AP1G1: variants seen among roughly 807,000 people sequenced by gnomAD.
AP1G1 encodes the protein AP-1 complex subunit gamma-1.
AP1G1 carries 7 observed loss-of-function variants against 108.3 expected under a neutral mutation model. That is an observed-to-expected ratio of 0.06 (90% CI 0.04 to 0.12). The LOEUF (loss-of-function observed/expected upper bound fraction) is 0.12. Ranked by LOEUF, AP1G1 falls within the 10% of genes least tolerant of loss-of-function variation. The probability of loss-of-function intolerance (pLI) is 1.00; values close to 1 mark genes in which losing one functional copy is unlikely to be tolerated. For missense variants in AP1G1, 756 were observed against 1,010.7 expected (o/e 0.75, Z 3.42); for synonymous variants, 379 against 353.5 (o/e 1.07, Z -0.81).
chr16:71,756,660 G>A (rs997827335), intron 11 of AP1G1, among the ~76,000 whole-genome samples: 2 of 152,172 alleles, frequency 1.3e-5, no homozygotes, highest in African/African-American at 4.8e-5. Context: ...ACAAATTCAA[G>A]GCCGAGCGTG....
intron 1 of AP1G1, among the ~76,000 whole-genome samples, chr16:71,803,882 C>T (rs942142008): frequency 5.4e-5 from 8 of 147,792 alleles, no homozygotes; most frequent in Admixed American, 4.8e-4. Context: ...AGAGATGGCT[C>T]CGATGCACTC....
At chr16:71,760,460 G>A (rs942263168) in intron 10 of AP1G1, among the ~76,000 whole-genome samples, 6 of 151,122 alleles carry the variant, frequency 4.0e-5, no homozygotes, top group African/African-American at 1.2e-4. Flanking sequence ...CAAGAGAATC[G>A]CTTGAACTCG....
At chr16:71,768,500 C>CAAAAAA (rs527404594) in intron 6 of AP1G1, among the ~76,000 whole-genome samples, 3 of 83,734 alleles carry the variant, frequency 3.6e-5, no homozygotes, top group Non-Finnish European at 6.4e-5. Context: ...GACTCCGCCA[C>CAAAAAA]AAAAAAAAAA....
intron 6 of AP1G1, chr16:71,768,014 G>C (rs2031385490): frequency 9.7e-7 from 1 of 1,033,658 alleles, no homozygotes; most frequent in African/African-American, 1.6e-5. Flanking sequence ...GGGAAAAAAA[G>C]CCAAAAAAGA....
chr16:71,783,113 G>A (rs1472384273), intron 2 of AP1G1, among the ~76,000 whole-genome samples: 1 of 152,082 alleles, frequency 6.6e-6, no homozygotes, highest in Non-Finnish European at 1.5e-5. Context: ...ATGTGAGAAA[G>A]CGTGTCTACT....
chr16:71,732,937 G>T lies in AP1G1; in HGVS notation c.*121C>A. The T allele has an allele frequency of 1.4e-6, 1 of 712,394 alleles. No individual in the cohort carries two copies. The allele number at this position is 712,394 out of a possible 1,614,324, so 44.1% of individuals were successfully genotyped here. A position where few individuals can be genotyped will look rare whatever the true frequency, so the allele number is the denominator to read the frequency against. On this transcript the variant is annotated 3_prime_UTR_variant, in exon 23 of 23. Coordinates refer to ENST00000299980, the MANE Select transcript of AP1G1 (RefSeq NM_001128.6). ...AGTAACTTTAGGAAAATCCTCCTCAGCAGTTCTCTTCAGCTCCTCATGCCC... is the reference window on the plus strand; with the variant it reads ...AGTAACTTTAGGAAAATCCTCCTCATCAGTTCTCTTCAGCTCCTCATGCCC...
intron 1 of AP1G1, among the ~76,000 whole-genome samples, chr16:71,807,238 C>A (rs927313978): frequency 1.3e-5 from 2 of 152,166 alleles, no homozygotes; most frequent in Non-Finnish European, 2.9e-5. Context: ...TCTGCCTGGG[C>A]AACATGATGA....
At chr16:71,767,452 C>T (rs940875384) in intron 6 of AP1G1, among the ~76,000 whole-genome samples, 19 of 152,256 alleles carry the variant, frequency 1.2e-4, no homozygotes, top group Admixed American at 1.2e-3. Context: ...GAACTGAAAG[C>T]TCAGCAGTAC....
chr16:71,771,914 A>G (rs988792044), intron 4 of AP1G1, among the ~76,000 whole-genome samples: 1 of 152,170 alleles, frequency 6.6e-6, no homozygotes. Flanking sequence ...ATCATTTGAA[A>G]AATACTTAGT....
At chr16:71,789,803 A>ACT (rs1335367891) in intron 1 of AP1G1, among the ~76,000 whole-genome samples, 2 of 152,242 alleles carry the variant, frequency 1.3e-5, no homozygotes, top group East Asian at 1.9e-4. Context: ...TCAAATCTTT[A>ACT]CTCAATCCTT....
At chr16:71,790,480 T>C (rs564649878) in intron 1 of AP1G1, among the ~76,000 whole-genome samples, 29 of 151,112 alleles carry the variant, frequency 1.9e-4, no homozygotes, top group Admixed American at 1.7e-3. Flanking sequence ...TGAGCCAAGA[T>C]TGCACCATTG....
chr16:71,733,758 C>A (rs4788551), intron 22 of AP1G1, among the ~76,000 whole-genome samples: 2 of 151,894 alleles, frequency 1.3e-5, no homozygotes, highest in Non-Finnish European at 2.9e-5. Flanking sequence ...ACTCATCGTA[C>A]GCTCTCCATT....
intron 15 of AP1G1, among the ~76,000 whole-genome samples, 183 bp from the exon 16 acceptor site, chr16:71,748,561 GT>G (rs963471208): frequency 1.3e-5 from 2 of 151,956 alleles, no homozygotes; most frequent in Non-Finnish European, 2.9e-5. Context: ...GTAGTTGGGG[GT>G]AAAAAAAAGT....
chr16:71,784,545 A>AG (rs1397894147), intron 2 of AP1G1, among the ~76,000 whole-genome samples: 1 of 152,134 alleles, frequency 6.6e-6, no homozygotes, highest in African/African-American at 2.4e-5. Context: ...ACAGCAAGGC[A>AG]GGGCTAAGAT....
chr16:71,777,720 C>A (rs2031844836), intron 2 of AP1G1: 2 of 445,114 alleles, frequency 4.5e-6, no homozygotes, highest in Non-Finnish European at 4.7e-6. Context: ...GGCCCGTTCT[C>A]CTCCTCCTCC....
chr16:71,738,921 CT>C lies in AP1G1; in HGVS notation c.2268+20del. The C allele has an allele frequency of 6.3e-7, 1 of 1,588,338 alleles. No homozygotes were observed. Among genetic ancestry groups the C allele is most frequent in the Non-Finnish European group, 8.6e-7 (1 of 1,168,426 alleles). ...GCCAATCTTTAATCAAAGGAAACAT[CT>C]AAAGAAGACATTGTAGTACCTTTGG... On this transcript the variant is annotated intron_variant, in intron 21 of 22. Transcript: ENST00000299980.
chr16:71,788,699 GC>G (rs2145523680), intron 2 of AP1G1, among the ~76,000 whole-genome samples: 1 of 151,678 alleles, frequency 6.6e-6, no homozygotes, highest in South Asian at 2.1e-4. Context: ...TTACTCTATT[GC>G]CCAGGCTGGA....
intron 22 of AP1G1, 149 bp from the exon 23 acceptor site, chr16:71,733,308 C>A: frequency 1.6e-6 from 1 of 637,862 alleles, no homozygotes; most frequent in Non-Finnish European, 2.7e-6. Flanking sequence ...ACAAAAAACA[C>A]CCAGTACTCT....
intron 1 of AP1G1, among the ~76,000 whole-genome samples, chr16:71,799,089 G>A (rs974098734): frequency 1.3e-5 from 2 of 151,846 alleles, no homozygotes; most frequent in Non-Finnish European, 2.9e-5. Context: ...CAGTAACAGG[G>A]AAGTTAAAAT....
Sources: gnomAD v4.1 joint callset for allele counts (sites outside exome capture counted in the v4.1 genomes callset) on GRCh38, gnomAD v4.1.1 for gene constraint, MANE v1.5 for transcripts, NCBI Gene and HGNC (gene_info 2026-07-23, HGNC 2026-07-21) for gene names.